IGSF21: variants seen among roughly 807,000 people sequenced by gnomAD.
The protein encoded by IGSF21 is immunoglobulin superfamily member 21.
A neutral mutation model predicts 46.8 loss-of-function variants in IGSF21; 28 were observed. The ratio of observed to expected loss-of-function variants is 0.60; its 90% CI spans 0.44 to 0.82. The LOEUF (loss-of-function observed/expected upper bound fraction) is 0.82. IGSF21 is among the 40% of genes least tolerant of loss of function. IGSF21 has a pLI of 0.00. For missense variants in IGSF21, 624 were observed against 665.5 expected, an observed-to-expected ratio of 0.94 and a Z score of 0.69; for synonymous variants, 284 against 273.6, an observed-to-expected ratio of 1.04 and a Z score of -0.38.
chr1:18,330,135 A>G (rs2085697828), intron 3 of IGSF21, among the ~76,000 whole-genome samples: 1 of 152,194 alleles, frequency 6.6e-6, no homozygotes, highest in African/African-American at 2.4e-5. Context: ...TCTATTCATC[A>G]TGCAGATCAA....
intron 1 of IGSF21, among the ~76,000 whole-genome samples, chr1:18,211,591 T>G (rs893960756): frequency 1.3e-5 from 2 of 152,366 alleles, no homozygotes; most frequent in Middle Eastern, 3.4e-3. Context: ...GCCCAGCAAT[T>G]AATTCGTATG....
At chr1:18,278,151 C>T (rs552944643) in intron 2 of IGSF21, among the ~76,000 whole-genome samples, 20 of 151,836 alleles carry the variant, frequency 1.3e-4, no homozygotes, top group South Asian at 6.3e-4. Context: ...GTGGCTGCAT[C>T]GAGAGGGATG....
intron 1 of IGSF21, among the ~76,000 whole-genome samples, chr1:18,139,648 C>A (rs936281578): frequency 6.6e-6 from 1 of 152,214 alleles, no homozygotes; most frequent in Admixed American, 6.5e-5. Context: ...AGCCCCACAA[C>A]GTGTTGGGTG....
intron 1 of IGSF21, among the ~76,000 whole-genome samples, chr1:18,138,486 G>C (rs577258066): frequency 6.6e-6 from 1 of 152,290 alleles, no homozygotes; most frequent in African/African-American, 2.4e-5. Flanking sequence ...TTGGATGCAG[G>C]GGTTTATTTT....
At chr1:18,292,051 A>G in intron 3 of IGSF21, 64 bp downstream of exon 3, 2 of 1,538,722 alleles carry the variant, frequency 1.3e-6, no homozygotes, top group Non-Finnish European at 1.8e-6. Context: ...AGTGGGGCAG[A>G]GGGCAGTTCT....
intron 1 of IGSF21, among the ~76,000 whole-genome samples, chr1:18,196,041 G>C (rs1269879177): frequency 6.6e-6 from 1 of 152,222 alleles, no homozygotes; most frequent in Non-Finnish European, 1.5e-5. Flanking sequence ...TGTGTGCAGA[G>C]AGACTTGGGA....
chr1:18,181,137 C>G (rs1416987414), intron 1 of IGSF21, among the ~76,000 whole-genome samples: 1 of 152,172 alleles, frequency 6.6e-6, no homozygotes, highest in Non-Finnish European at 1.5e-5. Context: ...TCCTCCTAGT[C>G]CCCGGCTCAG....
At chr1:18,169,767 C>A (rs997521700) in intron 1 of IGSF21, among the ~76,000 whole-genome samples, 2 of 151,980 alleles carry the variant, frequency 1.3e-5, no homozygotes, top group African/African-American at 4.8e-5. Context: ...CCTGGGGGTG[C>A]GGGGAAGGAC....
intron 2 of IGSF21, among the ~76,000 whole-genome samples, chr1:18,240,381 A>AAG (rs1451537117): frequency 6.6e-6 from 1 of 152,276 alleles, no homozygotes; most frequent in Non-Finnish European, 1.5e-5. Flanking sequence ...TATTACATGA[A>AAG]AGACTGTCAA....
chr1:18,254,841 T>C (rs1297145602), intron 2 of IGSF21, among the ~76,000 whole-genome samples: 1 of 139,328 alleles, frequency 7.2e-6, no homozygotes, highest in Non-Finnish European at 1.5e-5. Flanking sequence ...TGCCCATTCT[T>C]CTATCCATCC....
intron 3 of IGSF21, among the ~76,000 whole-genome samples, chr1:18,317,780 C>T (rs1022490599): frequency 6.6e-6 from 1 of 152,236 alleles, no homozygotes. Flanking sequence ...AGCAAACACA[C>T]ATGTGCTAAC....
rs2086148557 is a variant in IGSF21 at position 18,365,241 on chromosome 1, G to C, written c.559G>C (p.Gly187Arg). The C allele has an allele frequency of 6.2e-7, 1 of 1,603,344 alleles. No individual in the cohort carries two copies. The highest frequency in any genetic ancestry group is 1.3e-5 in the African/African-American group (1 of 74,578). ...ATGGCAGGTTTATTTCAAACGAGAT[G>C]GGGAACCAATCGACGCAGTGCCCCT... ...PAPMVYFKRD[G>R]EPIDAVPLSE... Residue 187 changes from glycine to arginine, a missense_variant, in exon 6 of 10, where the codon GGG (glycine) becomes CGG (arginine). Gly to Arg is a moderately radical substitution (Grantham distance 125). Transcript: ENST00000251296. This position sits in a 1 kb window ranked among gnomAD's most constrained non-coding sequence, Gnocchi z 4.8.
chr1:18,376,396 G>T lies in IGSF21; in HGVS notation c.1101+1G>T. 6.2e-7 allele frequency: 1 copy of T among 1,611,398 alleles called. No homozygotes were observed. Among genetic ancestry groups the T allele is most frequent in the Non-Finnish European group, 8.5e-7 (1 of 1,177,620 alleles). ...GAGGATTCTGGTCCATGGGTTTCAG[G>T]TCAGCCTCTCTCTGAGCATCTGGGA... On this transcript the variant is annotated splice_donor_variant, in intron 7 of 9. Transcript: ENST00000251296. LOFTEE classifies it high-confidence loss of function.
chr1:18,287,212 A>AATAAATAAATAT, intron 2 of IGSF21, among the ~76,000 whole-genome samples: 3 of 143,794 alleles, frequency 2.1e-5, no homozygotes, highest in Non-Finnish European at 4.6e-5. Context: ...TAAATAAATA[A>AATAAATAAATAT]AAATAAATAA....
At chr1:18,127,853 G>C (rs558277808) in intron 1 of IGSF21, among the ~76,000 whole-genome samples, 2 of 152,252 alleles carry the variant, frequency 1.3e-5, no homozygotes, top group East Asian at 3.9e-4. Context: ...AGGTTATAGT[G>C]AGCCATAATT....
chr1:18,200,034 T>C (rs2087054934), intron 1 of IGSF21, among the ~76,000 whole-genome samples: 1 of 152,128 alleles, frequency 6.6e-6, no homozygotes, highest in African/African-American at 2.4e-5. Flanking sequence ...TCCCCACTCA[T>C]GGGTTCTGCT....
intron 1 of IGSF21, among the ~76,000 whole-genome samples, chr1:18,153,883 A>T (rs1037400776): frequency 6.6e-6 from 1 of 152,142 alleles, no homozygotes; most frequent in African/African-American, 2.4e-5. Context: ...GCTGCTGTGG[A>T]CTGGAACCCC....
intron 1 of IGSF21, among the ~76,000 whole-genome samples, chr1:18,198,372 A>G (rs553689451): frequency 3.3e-4 from 50 of 152,248 alleles, no homozygotes; most frequent in African/African-American, 1.1e-3. Context: ...CGGGACCCAC[A>G]TGGGCCCGTA....
At chr1:18,261,724 C>T (rs1365588608) in intron 2 of IGSF21, among the ~76,000 whole-genome samples, 1 of 152,190 alleles carries the variant, frequency 6.6e-6, no homozygotes, top group Non-Finnish European at 1.5e-5. Flanking sequence ...CATCAGCGTC[C>T]AGAATGTCTC....
Sources: gnomAD v4.1 joint callset for allele counts (sites outside exome capture counted in the v4.1 genomes callset) on GRCh38, gnomAD v4.1.1 for gene constraint, Gnocchi (gnomAD v3.1) non-coding constraint, MANE v1.5 for transcripts, NCBI Gene and HGNC (gene_info 2026-07-23, HGNC 2026-07-21) for gene names.